PDE4D: variants seen among roughly 807,000 people sequenced by gnomAD.
PDE4D encodes 3',5'-cyclic-AMP phosphodiesterase 4D.
A neutral mutation model predicts 87.4 loss-of-function variants in PDE4D; 24 were observed. That is an observed-to-expected ratio of 0.27 (90% CI 0.20 to 0.39). The LOEUF is 0.39. PDE4D is among the 10% of genes least tolerant of loss of function. The probability of loss-of-function intolerance (pLI) is 1.00; values close to 1 mark genes in which losing one functional copy is unlikely to be tolerated. For synonymous variants in PDE4D, 384 were observed against 383.2 expected (o/e 1.00, Z -0.02); for missense variants, 714 against 1,041.0 (o/e 0.69, Z 4.32).
chr5:59,436,717 G>A (rs1237885071), intron 1 of PDE4D, among the ~76,000 whole-genome samples: 1 of 152,082 alleles, frequency 6.6e-6, no homozygotes, highest in African/African-American at 2.4e-5. Context: ...GAAGCATAAG[G>A]TCTCATCTTT....
At chr5:60,498,009 C>A (rs929573920) in intron 1 of PDE4D, among the ~76,000 whole-genome samples, 1 of 152,286 alleles carries the variant, frequency 6.6e-6, no homozygotes, top group Middle Eastern at 3.4e-3. Flanking sequence ...AGAAATAGGT[C>A]ATCCTCTGAC....
chr5:60,477,159 T>C (rs1583887522), intron 1 of PDE4D, among the ~76,000 whole-genome samples: 1 of 152,020 alleles, frequency 6.6e-6, no homozygotes, highest in South Asian at 2.1e-4. Flanking sequence ...CAAGAACATA[T>C]GAAAGCATGA....
chr5:59,966,235 T>C (rs1399547038), intron 3 of PDE4D, among the ~76,000 whole-genome samples: 1 of 152,238 alleles, frequency 6.6e-6, no homozygotes, highest in African/African-American at 2.4e-5. Context: ...TTATATCCAA[T>C]ATACTTCAAA....
At chr5:60,357,835 C>T (rs1472736469) in intron 1 of PDE4D, among the ~76,000 whole-genome samples, 3 of 152,080 alleles carry the variant, frequency 2.0e-5, no homozygotes, top group South Asian at 2.1e-4. Flanking sequence ...ATTCAACTAG[C>T]GTTTCTCATA....
intron 1 of PDE4D, among the ~76,000 whole-genome samples, chr5:60,463,323 A>G (rs1401372839): frequency 2.6e-5 from 4 of 152,102 alleles, no homozygotes; most frequent in Admixed American, 2.0e-4. Context: ...GGCAAATTCC[A>G]GTAGCCTGAT....
chr5:60,101,777 T>G (rs1340003410), intron 2 of PDE4D, among the ~76,000 whole-genome samples: 4 of 152,150 alleles, frequency 2.6e-5, no homozygotes, highest in Non-Finnish European at 5.9e-5. Flanking sequence ...CACCCACTCC[T>G]TTTCAGAGAC....
At chr5:60,393,139 T>C (rs1461818714) in intron 1 of PDE4D, among the ~76,000 whole-genome samples, 4 of 152,212 alleles carry the variant, frequency 2.6e-5, no homozygotes, top group Non-Finnish European at 5.9e-5. Flanking sequence ...ACCAGATATG[T>C]TCAAATAAAT....
At chr5:59,232,305 A>G (rs557605090) in intron 1 of PDE4D, among the ~76,000 whole-genome samples, 2 of 152,288 alleles carry the variant, frequency 1.3e-5, no homozygotes, top group East Asian at 3.9e-4. Context: ...TATGCCAAGA[A>G]CTCAAGTTAA....
chr5:60,065,192 G>A (rs968482410), intron 2 of PDE4D, among the ~76,000 whole-genome samples: 8 of 151,946 alleles, frequency 5.3e-5, no homozygotes, highest in Non-Finnish European at 1.2e-4. Flanking sequence ...TAAGAAATCG[G>A]ATATGCAAGA....
intron 1 of PDE4D, among the ~76,000 whole-genome samples, chr5:60,409,454 G>A (rs1423378718): frequency 6.6e-6 from 1 of 152,020 alleles, no homozygotes; most frequent in Non-Finnish European, 1.5e-5. Flanking sequence ...TGAAGTTATG[G>A]TCTCTTCCCT....
chr5:59,854,063 T>C (rs1006134039), intron 1 of PDE4D, among the ~76,000 whole-genome samples: 5 of 152,066 alleles, frequency 3.3e-5, no homozygotes, highest in African/African-American at 1.2e-4. Context: ...GAAAAATGTA[T>C]GCATAAATTC....
chr5:60,155,743 T>C (rs1432562184), intron 2 of PDE4D, among the ~76,000 whole-genome samples: 2 of 152,232 alleles, frequency 1.3e-5, no homozygotes, highest in East Asian at 3.8e-4. Context: ...ATGTTTCCTC[T>C]ATCTCAACAC....
chr5:59,722,547 A>G (rs1007724873), intron 1 of PDE4D, among the ~76,000 whole-genome samples: 3 of 152,028 alleles, frequency 2.0e-5, no homozygotes, highest in Admixed American at 6.6e-5. Context: ...TATGATAGTT[A>G]TATTTATTCT....
At chr5:59,257,255 C>G (rs1761154377) in intron 1 of PDE4D, among the ~76,000 whole-genome samples, 2 of 151,950 alleles carry the variant, frequency 1.3e-5, no homozygotes, top group Non-Finnish European at 2.9e-5. Context: ...TTCATACAGG[C>G]CAAACTGTGT....
At chr5:59,244,799 A>ATG (rs201594224) in intron 1 of PDE4D, among the ~76,000 whole-genome samples, 1,539 of 148,190 alleles carry the variant, frequency 0.01, 30 homozygotes, top group African/African-American at 0.035. Context: ...ATATATATAT[A>ATG]TGTGTGTGTG....
intron 1 of PDE4D, among the ~76,000 whole-genome samples, chr5:59,714,103 G>A (rs901812378): frequency 2.6e-5 from 4 of 152,166 alleles, no homozygotes; most frequent in Admixed American, 2.6e-4. Context: ...AAAAGGGGAA[G>A]ATGCCCCACC....
chr5:59,805,417 G>A (rs1484573178), intron 1 of PDE4D, among the ~76,000 whole-genome samples: 1 of 152,152 alleles, frequency 6.6e-6, no homozygotes, highest in African/African-American at 2.4e-5. Context: ...TCCCCTTCTA[G>A]TTCACCCTTT....
intron 5 of PDE4D, among the ~76,000 whole-genome samples, chr5:59,088,574 G>C (rs1768134188): frequency 6.6e-6 from 1 of 152,090 alleles, no homozygotes; most frequent in African/African-American, 2.4e-5. Context: ...TAGTAGACAG[G>C]ATAAAGCAAA....
chr5:60,377,215 T>G (rs1368347621), intron 1 of PDE4D, among the ~76,000 whole-genome samples: 1 of 152,162 alleles, frequency 6.6e-6, no homozygotes, highest in Non-Finnish European at 1.5e-5. Flanking sequence ...ATTTCACTAT[T>G]TTACACACTA....
Sources: allele counts gnomAD v4.1 joint callset (sites outside exome capture counted in the v4.1 genomes callset), GRCh38; gene constraint gnomAD v4.1.1; transcripts MANE v1.5; gene names NCBI Gene and HGNC (gene_info 2026-07-23, HGNC 2026-07-21).